The following ZFPM1 variants were observed in gnomAD, a reference collection of about 807,000 sequenced individuals.
The protein encoded by ZFPM1 is zinc finger protein, FOG family member 1.
ZFPM1 carries 28 observed loss-of-function variants against 46.3 expected under a neutral mutation model. That is an observed-to-expected ratio of 0.60 (90% CI 0.45 to 0.83). The LOEUF is 0.83. ZFPM1 is among the 40% of genes least tolerant of loss of function. The pLI is 0.00. For synonymous variants in ZFPM1, 957 were observed against 675.9 expected, an observed-to-expected ratio of 1.42 and a Z score of -6.45; for missense variants, 1,878 against 1,432.4, an observed-to-expected ratio of 1.31 and a Z score of -5.02.
At chr16:88,511,183 G>A (rs1369841342) in intron 3 of ZFPM1, among the ~76,000 whole-genome samples, 4 of 152,204 alleles carry the variant, frequency 2.6e-5, no homozygotes, top group Non-Finnish European at 4.4e-5. Flanking sequence ...GTCGGTGCCG[G>A]TGGGGGTGTC....
rs1350009995 is a variant in ZFPM1, at chr16:88,533,974, C to A, written c.2016C>A (p.Ser672=). Residue 672 remains serine (S), a synonymous_variant, in exon 10 of 10, where the codon TCC becomes TCA. Transcript: ENST00000319555. ...GSEGSQSPGS[S]VDDAEDDPSR... is the part of the protein sequence containing the mutation. ...AGGGCAGCCAGAGCCCGGGTAGCTCCGTGGACGACGCGGAGGACGACCCCA... is the reference window on the plus strand; with the variant it reads ...AGGGCAGCCAGAGCCCGGGTAGCTCAGTGGACGACGCGGAGGACGACCCCA... The A allele has an allele frequency of 7.5e-7, 1 of 1,327,618 alleles. No individual in the cohort carries two copies. Among genetic ancestry groups the A allele is most frequent in the South Asian group, 1.3e-5 (1 of 78,690 alleles). The allele number at this position is 1,327,618 out of a possible 1,614,324, so 82.2% of individuals were successfully genotyped here.
Position 88,534,487 on chromosome 16 carries a change from G to A in ZFPM1, c.2529G>A (p.Ala843=), listed in dbSNP as rs760672744. 2 of 1,474,660 alleles carry A rather than the reference G, an allele frequency of 1.4e-6. No homozygotes were observed. The highest frequency in any genetic ancestry group is 2.3e-5 in the Admixed American group (1 of 43,780). The allele number at this position is 1,474,660 out of a possible 1,614,324, so 91.3% of individuals were successfully genotyped here. A position where few individuals can be genotyped will look rare whatever the true frequency, so the allele number is the denominator to read the frequency against. ...ACAAGAAGTACTCGTGCCCCGCTGC[G>A]CCACCGCCCGGCGCGCTCGGCCTGC... ...LAHKKYSCPA[A]PPPGALGLPA... is the part of the protein sequence containing the mutation. The change falls in exon 10 of 10, where the codon GCG becomes GCA. Residue 843 remains alanine (A), a synonymous_variant. Transcript: ENST00000319555.
intron 1 of ZFPM1, among the ~76,000 whole-genome samples, chr16:88,476,445 G>A (rs1435427632): frequency 6.6e-6 from 1 of 152,094 alleles, no homozygotes; most frequent in Non-Finnish European, 1.5e-5. Context: ...CCAAGTGGCA[G>A]GGCGGCCATC....
rs748654470 is a variant in ZFPM1 at position 88,533,613 on chromosome 16, G to A, written c.1655G>A (p.Ser552Asn). The A allele has an allele frequency of 4.7e-6, 7 of 1,480,192 alleles. No homozygotes were observed. Among genetic ancestry groups the A allele is most frequent in the Non-Finnish European group, 6.3e-6 (7 of 1,114,966 alleles). The allele number at this position is 1,480,192 out of a possible 1,614,324, so 91.7% of individuals were successfully genotyped here. A position where few individuals can be genotyped will look rare whatever the true frequency, so the allele number is the denominator to read the frequency against. Residue 552 changes from serine (S) to asparagine (N), a missense_variant, in exon 10 of 10, where the codon AGC becomes AAC. By Grantham distance (46) the Ser-to-Asn change is conservative. Transcript: ENST00000319555. ...GCCAAGATGTCCGAGCTGGTGCACA[G>A]CCGGCTGCAGCAGGGCGCGGGCGCG... The part of the protein sequence containing the change: ...ILAKMSELVH[S>N]RLQQGAGAGA...
intron 4 of ZFPM1, among the ~76,000 whole-genome samples, chr16:88,523,738 G>A (rs1393324087): frequency 3.9e-5 from 6 of 152,182 alleles, no homozygotes; most frequent in African/African-American, 7.2e-5. Context: ...AGTGGGGGCC[G>A]TGGCAGGGTG....
chr16:88,498,255 GC>G (rs1910052864), intron 3 of ZFPM1, among the ~76,000 whole-genome samples: 1 of 152,210 alleles, frequency 6.6e-6, no homozygotes, highest in Non-Finnish European at 1.5e-5. Flanking sequence ...GCCCTGGGGA[GC>G]CCGAGACAGA....
At chr16:88,484,705 G>A (rs1909122465) in intron 1 of ZFPM1, among the ~76,000 whole-genome samples, 1 of 152,074 alleles carries the variant, frequency 6.6e-6, no homozygotes. Context: ...GGGGACCTGG[G>A]GAGCAGTCAA....
intron 1 of ZFPM1, among the ~76,000 whole-genome samples, chr16:88,463,040 T>G (rs1372136625): frequency 1.3e-5 from 2 of 152,138 alleles, no homozygotes; most frequent in Non-Finnish European, 2.9e-5. Flanking sequence ...GGCCCACTCC[T>G]TCCCACTTCC....
At chr16:88,486,118 C>A in intron 2 of ZFPM1, 75 bp downstream of exon 2, 1 of 1,429,288 alleles carries the variant, frequency 7.0e-7, no homozygotes, top group Non-Finnish European at 9.6e-7. Context: ...GCCCTCAGAG[C>A]TCAGTGGTGT....
rs1293089793 is a variant in ZFPM1 at position 88,486,059 on chromosome 16, C to A, written c.145+16C>A. The A allele has an allele frequency of 6.2e-7, 1 of 1,606,082 alleles. No individual in the cohort carries two copies. Among genetic ancestry groups the A allele is most frequent in the African/African-American group, 1.3e-5 (1 of 74,696 alleles). On this transcript the variant is annotated intron_variant, in intron 2 of 9. Coordinates refer to ENST00000319555, the MANE Select transcript of ZFPM1 (RefSeq NM_153813.3). ...CCCAGCGCAGGTGAGTCAGACTGAG[C>A]CCTCTCACCGCGCCTCCAGCCGGGG... is the stretch of plus-strand genomic sequence containing the variant.
At chr16:88,486,071 G>C in intron 2 of ZFPM1, 28 bp downstream of exon 2, 1 of 1,591,644 alleles carries the variant, frequency 6.3e-7, no homozygotes, top group Non-Finnish European at 8.5e-7. Flanking sequence ...CTCTCACCGC[G>C]CCTCCAGCCG....
intron 4 of ZFPM1, among the ~76,000 whole-genome samples, chr16:88,520,464 G>A (rs961701854): frequency 6.7e-6 from 1 of 150,318 alleles, no homozygotes; most frequent in African/African-American, 2.5e-5. Flanking sequence ...GATGGTGGAT[G>A]GATGGACAGA....
chr16:88,452,956 G>T (rs1471892627), upstream of ZFPM1, among the ~76,000 whole-genome samples: 1 of 152,144 alleles, frequency 6.6e-6, no homozygotes, highest in Non-Finnish European at 1.5e-5. Context: ...CGGGGCGCGG[G>T]CGGGGCCGAA....
intron 4 of ZFPM1, among the ~76,000 whole-genome samples, chr16:88,520,870 C>T (rs111172648): frequency 0.31 from 6,667 of 21,832 alleles, 711 homozygotes; most frequent in Middle Eastern, 0.44. Context: ...GATGGATGGA[C>T]GGATGGATGG....
Position 88,533,343 on chromosome 16 carries a change from TC to T in ZFPM1, c.1386del (p.Lys463ArgfsTer335). On this transcript the variant is annotated frameshift_variant, in exon 10 of 10. Transcript: ENST00000319555. LOFTEE classifies it low-confidence loss of function (END_TRUNC). The stretch of plus-strand genomic sequence containing the variant: ...GAGCCCCCGGCGGCCCCCAGGAGCA[TC>T]AAGGTGGAGGCGGTGGAGGAGCCGG... The part of the protein sequence containing the change: ...SSEPPAAPRS[I>X]KVEAVEEPEA... The T allele has an allele frequency of 6.5e-7, 1 of 1,531,448 alleles. No individual in the cohort carries two copies. Among genetic ancestry groups the T allele is most frequent in the Non-Finnish European group, 8.7e-7 (1 of 1,143,018 alleles). 94.9% of individuals were successfully genotyped at this position (1,531,448 alleles called of 1,614,324 possible).
chr16:88,489,397 G>C, intron 3 of ZFPM1: 2 of 504,144 alleles, frequency 4.0e-6, no homozygotes, highest in Non-Finnish European at 3.4e-6. Context: ...GGGTTCCCTG[G>C]ATCAGAGCCT....
At chr16:88,506,297 A>T (rs1252394733) in intron 3 of ZFPM1, among the ~76,000 whole-genome samples, 1 of 141,276 alleles carries the variant, frequency 7.1e-6, no homozygotes, top group Admixed American at 7.0e-5. Flanking sequence ...GTGGGGGGGC[A>T]CCAGGGCAGG....
rs576745447 is a variant in ZFPM1 at position 88,534,813 on chromosome 16, A to T, written c.2855A>T (p.Tyr952Phe). ...AVPPPPAPPS[Y>F]SDKGVQTPSK... is the part of the protein sequence containing the mutation. Reference sequence around the variant, plus strand: ...CCGCCCCCGCCGGCGCCCCCCTCCTACTCGGACAAGGGCGTCCAGACTCCC... The same window carrying T: ...CCGCCCCCGCCGGCGCCCCCCTCCTTCTCGGACAAGGGCGTCCAGACTCCC... Residue 952 changes from tyrosine to phenylalanine, a missense_variant, in exon 10 of 10, where the codon TAC becomes TTC. Coordinates refer to ENST00000319555, the MANE Select transcript of ZFPM1 (RefSeq NM_153813.3). The T allele has an allele frequency of 1.4e-6, 2 of 1,476,410 alleles. No individual in the cohort carries two copies. 91.5% of individuals were successfully genotyped at this position (1,476,410 alleles called of 1,614,324 possible).
At chr16:88,453,106 G>T (rs1166909677), upstream of ZFPM1, among the ~76,000 whole-genome samples, 1 of 150,656 alleles carries the variant, frequency 6.6e-6, no homozygotes, top group Non-Finnish European at 1.5e-5. Context: ...GGCTCTGGGG[G>T]CGGAGCCAGA....
Sources: gnomAD v4.1 joint callset for allele counts (sites outside exome capture counted in the v4.1 genomes callset) on GRCh38, gnomAD v4.1.1 for gene constraint, MANE v1.5 for transcripts, NCBI Gene and HGNC (gene_info 2026-07-23, HGNC 2026-07-21) for gene names.